MAP2K4: variants seen among roughly 807,000 people sequenced by gnomAD.
MAP2K4 encodes the protein dual specificity mitogen-activated protein kinase kinase 4.
A neutral mutation model predicts 48.5 loss-of-function variants in MAP2K4; 4 were observed. The ratio of observed to expected loss-of-function variants is 0.08; its 90% confidence interval spans 0.04 to 0.19. The LOEUF is 0.19. Among genes scored for constraint, MAP2K4 ranks in the 10% least tolerant of loss-of-function variants. MAP2K4 has a pLI of 1.00. For synonymous variants in MAP2K4, 166 were observed against 173.1 expected, an observed-to-expected ratio of 0.96 and a Z score of 0.32; for missense variants, 258 against 493.3, an observed-to-expected ratio of 0.52 and a Z score of 4.52.
At chr17:12,101,433 G>A (rs1158066983) in intron 4 of MAP2K4, among the ~76,000 whole-genome samples, 1 of 152,040 alleles carries the variant, frequency 6.6e-6, no homozygotes. Flanking sequence ...AGATTTGAGA[G>A]TGTTGGTCCT....
intron 2 of MAP2K4, among the ~76,000 whole-genome samples, chr17:12,079,794 A>C (rs9898769): frequency 1.3e-5 from 2 of 152,188 alleles, no homozygotes; most frequent in African/African-American, 4.8e-5. Flanking sequence ...TAATCTGTCT[A>C]CTTCATGAAA....
At chr17:12,054,243 TGTATA>T (rs1970224362) in intron 1 of MAP2K4, among the ~76,000 whole-genome samples, 1 of 152,188 alleles carries the variant, frequency 6.6e-6, no homozygotes, top group Non-Finnish European at 1.5e-5. Context: ...CCCTATGTAT[TGTATA>T]GGTGTATATG....
At chr17:12,069,723 C>A in intron 2 of MAP2K4, 1 of 1,064,698 alleles carries the variant, frequency 9.4e-7, no homozygotes, top group Non-Finnish European at 1.1e-6. Flanking sequence ...TGGTAACTGA[C>A]AGACCGAGTT....
At chr17:12,113,786 A>G (rs1471219337) in intron 7 of MAP2K4, among the ~76,000 whole-genome samples, 1 of 152,124 alleles carries the variant, frequency 6.6e-6, no homozygotes. Context: ...TTAGGGGTAG[A>G]TGAAGCACAC....
chr17:12,119,109 T>C (rs1597486769), intron 7 of MAP2K4, among the ~76,000 whole-genome samples: 1 of 152,272 alleles, frequency 6.6e-6, no homozygotes, highest in African/African-American at 2.4e-5. Flanking sequence ...AAATGTGATA[T>C]TTAGTGATAA....
At chr17:12,041,906 C>T (rs62060970) in intron 1 of MAP2K4, among the ~76,000 whole-genome samples, 43,303 of 152,044 alleles carry the variant, frequency 0.28, 6,506 homozygotes, top group East Asian at 0.47. Flanking sequence ...GGAGGCTGGG[C>T]GTGGTGGCTC....
Position 12,113,314 on chromosome 17 carries a change from A to G in MAP2K4, c.767A>G (p.Asp256Gly). The change falls in exon 7 of 11, where the codon GAC (aspartate) becomes GGC (glycine). Residue 256 changes from aspartate (D) to glycine (G), a missense_variant. This residue lies in a region of MAP2K4 where 132 missense variants were observed against 352.8 expected (regional missense o/e 0.37). Coordinates refer to ENST00000353533, the MANE Select transcript of MAP2K4 (RefSeq NM_003010.4). ...CDFGISGQLV[D>G]SIAKTRDAGC... ...TTCGGCATCAGTGGACAGCTTGTGG[A>G]CTCTATTGCCAAGACAAGAGATGCT... 2 of 1,613,752 alleles carry G rather than the reference A, an allele frequency of 1.2e-6. No homozygotes were observed. The highest frequency in any genetic ancestry group is 1.7e-6 in the Non-Finnish European group (2 of 1,179,750).
Position 12,141,128 on chromosome 17 carries a change from G to T in MAP2K4, c.1087-19G>T. 1 of 1,543,180 alleles carries T rather than the reference G, an allele frequency of 6.5e-7. No individual in the cohort carries two copies. Among genetic ancestry groups the T allele is most frequent in the Non-Finnish European group, 9.0e-7 (1 of 1,116,074 alleles). ...TGTCATACAAACTTTTGACTTTTTT[G>T]TTTTCAATTTTCTTGCAGAAACATC... On this transcript the variant is annotated intron_variant, in intron 10 of 10. Coordinates refer to ENST00000353533, the MANE Select transcript of MAP2K4 (RefSeq NM_003010.4).
Position 12,107,382 on chromosome 17 carries a change from C to CTTT in MAP2K4, c.514-391_514-389dup, listed in dbSNP as rs71367383. Among the ~76,000 whole-genome samples, 5 of 106,372 alleles carry CTTT rather than the reference C, an allele frequency of 4.7e-5. No homozygotes were observed. In the East Asian group the frequency reaches 8.1e-4, roughly 17 times the overall value. The allele number at this position is 106,372 out of a possible 152,430, so 69.8% of individuals were successfully genotyped here. A position where few individuals can be genotyped will look rare whatever the true frequency, so the allele number is the denominator to read the frequency against. On this transcript the variant is annotated intron_variant, in intron 4 of 10. Coordinates refer to ENST00000353533, the MANE Select transcript of MAP2K4 (RefSeq NM_003010.4). ...TACTTTATGTATTTTTGTCTTTTTC[C>CTTT]TTTTTTTTTTTTTTTTTTTGGCTAA...
At chr17:12,095,406 G>A (rs1269067331) in intron 3 of MAP2K4, 169 bp from the exon 4 acceptor site, 1 of 728,640 alleles carries the variant, frequency 1.4e-6, no homozygotes, top group Non-Finnish European at 2.3e-6. Context: ...TGTGATTAAA[G>A]TAATTCTTGT....
intron 7 of MAP2K4, among the ~76,000 whole-genome samples, chr17:12,121,480 C>T (rs1356129181): frequency 3.4e-5 from 5 of 148,842 alleles, no homozygotes; most frequent in African/African-American, 1.2e-4. Flanking sequence ...GAGGCTGAGG[C>T]AGGAGAATGG....
intron 3 of MAP2K4, among the ~76,000 whole-genome samples, chr17:12,090,844 A>G (rs1971538837): frequency 1.3e-5 from 2 of 151,670 alleles, no homozygotes; most frequent in African/African-American, 2.4e-5. Context: ...TTGCTCTTCC[A>G]CTCCAGTCCT....
chr17:12,088,046 G>A (rs1263889321), intron 3 of MAP2K4, among the ~76,000 whole-genome samples: 2 of 152,126 alleles, frequency 1.3e-5, no homozygotes, highest in Non-Finnish European at 2.9e-5. Context: ...ATATTGATGT[G>A]CTGCTATGGT....
At chr17:12,123,951 A>T (rs533514690) in intron 7 of MAP2K4, among the ~76,000 whole-genome samples, 141 of 152,316 alleles carry the variant, frequency 9.3e-4, no homozygotes, top group African/African-American at 3.4e-3. Context: ...GTCAGGATTA[A>T]TCAATGTTCC....
chr17:12,042,737 C>T (rs559947368), intron 1 of MAP2K4, among the ~76,000 whole-genome samples: 3 of 152,116 alleles, frequency 2.0e-5, no homozygotes, highest in Non-Finnish European at 4.4e-5. Context: ...TGTGGACGTA[C>T]ACACTCTTTG....
rs1248970628 is a variant in MAP2K4 at position 12,095,660 on chromosome 17, A to G, written c.479A>G (p.Tyr160Cys). 53 of 1,613,850 alleles carry G rather than the reference A, an allele frequency of 3.3e-5. No homozygotes were observed. The highest frequency in any genetic ancestry group is 4.4e-5 in the Non-Finnish European group (52 of 1,179,954). ...GTAATGCGGAGTAGTGATTGCCCATACATTGTTCAGTTTTATGGTGCACTC... is the reference window on the plus strand; with the variant it reads ...GTAATGCGGAGTAGTGATTGCCCATGCATTGTTCAGTTTTATGGTGCACTC... ...DVVMRSSDCPYIVQFYGALFR... is the reference protein window; with the variant it reads ...DVVMRSSDCPCIVQFYGALFR... Residue 160 changes from tyrosine to cysteine, a missense_variant, in exon 4 of 11, where the codon TAC (tyrosine) becomes TGC (cysteine). Around this residue, in one of 3 missense-constraint regions of MAP2K4, gnomAD observed 132 missense variants for 352.8 expected, o/e 0.37. Transcript: ENST00000353533.
In MAP2K4 at chr17:12,133,145, G is replaced by A. The variant is rs536181471; in HGVS notation, c.1040+3858G>A. On this transcript the variant is annotated intron_variant, in intron 9 of 10. Coordinates refer to ENST00000353533, the MANE Select transcript of MAP2K4 (RefSeq NM_003010.4). The stretch of plus-strand genomic sequence containing the variant: ...CGCCCAGGCTGGAGTGTAGTGGCGC[G>A]ATCTCAGCTCACTGCAACCTCTGCC... Among the ~76,000 whole-genome samples, 149 of 152,124 alleles carry A rather than the reference G, an allele frequency of 9.8e-4. 1 individual carries two copies. Among genetic ancestry groups the A allele is most frequent in the Admixed American group, 3.7e-3 (57 of 15,276 alleles).
At chr17:12,030,467 C>A (rs771060470) in intron 1 of MAP2K4, among the ~76,000 whole-genome samples, 3 of 152,184 alleles carry the variant, frequency 2.0e-5, no homozygotes, top group Non-Finnish European at 4.4e-5. Context: ...TTCCCACCTC[C>A]TTTGTAGCTA....
At chr17:12,107,952 T>C (rs755251185) in intron 5 of MAP2K4, 43 bp downstream of exon 5, 16 of 1,468,634 alleles carry the variant, frequency 1.1e-5, no homozygotes, top group South Asian at 1.4e-5. Flanking sequence ...TATATAGTTA[T>C]ATAGAGATGC....
Sources: gnomAD v4.1 joint callset for allele counts (sites outside exome capture counted in the v4.1 genomes callset) on GRCh38, gnomAD v4.1.1 for gene constraint, gnomAD v4.1.1 regional missense constraint, MANE v1.5 for transcripts, NCBI Gene and HGNC (gene_info 2026-07-23, HGNC 2026-07-21) for gene names.